Variants in DERA observed in about 807,000 individuals in gnomAD.
The protein encoded by DERA is 2-deoxy-D-ribose 5-phosphate aldolase.
A neutral mutation model predicts 41.1 loss-of-function variants in DERA; 15 were observed. That is an observed-to-expected ratio of 0.37 (90% confidence interval 0.24 to 0.56). DERA has a LOEUF of 0.56. DERA is among the 20% of genes least tolerant of loss of function. The pLI, the probability that DERA is intolerant of heterozygous loss-of-function variation, is 0.81. For missense variants in DERA, 396 were observed against 403.4 expected, an observed-to-expected ratio of 0.98 and a Z score of 0.16; for synonymous variants, 139 against 137.4, an observed-to-expected ratio of 1.01 and a Z score of -0.08.
At chr12:15,934,521 G>T (rs1337330602) in intron 1 of DERA, among the ~76,000 whole-genome samples, 1 of 152,006 alleles carries the variant, frequency 6.6e-6, no homozygotes, top group Non-Finnish European at 1.5e-5. Flanking sequence ...GGGAGGAGGA[G>T]GAGGTTGCAG....
Position 15,963,006 on chromosome 12 carries a change from T to C in DERA, c.508+59T>C, listed in dbSNP as rs1442956875. 5 of 1,556,388 alleles carry C rather than the reference T, an allele frequency of 3.2e-6. No homozygotes were observed. In the South Asian group the frequency reaches 3.6e-5, roughly 11 times the overall value. On this transcript the variant is annotated intron_variant, in intron 5 of 8. Coordinates refer to ENST00000428559, the MANE Select transcript of DERA (RefSeq NM_015954.4). Reference sequence around the variant, plus strand: ...CATTCTTCCCTGGTGAATCAGATGATGAGGTAAGATGTGGTATGTTTTAGA... The same window carrying C: ...CATTCTTCCCTGGTGAATCAGATGACGAGGTAAGATGTGGTATGTTTTAGA...
At position 16,009,991 on chromosome 12, in the gene DERA, A is replaced by T. The variant is rs966234082; in HGVS notation, c.638-22551A>T. ...CAGACCTATTAGTTTTGTAATAGGAAGTTCTGTGAGAGACAGATAAAACCT... is the reference window on the plus strand; with the variant it reads ...CAGACCTATTAGTTTTGTAATAGGATGTTCTGTGAGAGACAGATAAAACCT... On this transcript the variant is annotated intron_variant, in intron 6 of 8. Transcript: ENST00000428559. The surrounding 1 kb of genome is among the most constrained non-coding windows in gnomAD (Gnocchi z 5.3). 1.3e-5 allele frequency among the ~76,000 whole-genome samples: 2 copies of T among 152,258 alleles called. No individual in the cohort carries two copies. Among genetic ancestry groups the T allele is most frequent in the Non-Finnish European group, 2.9e-5 (2 of 68,054 alleles).
At chr12:15,923,003 GGTTTTT>G (rs1393413565) in intron 1 of DERA, among the ~76,000 whole-genome samples, 1 of 150,184 alleles carries the variant, frequency 6.7e-6, no homozygotes, top group Non-Finnish European at 1.5e-5. Flanking sequence ...AAAAAATAGT[GGTTTTT>G]GTTTTTGCTT....
At position 16,003,946 on chromosome 12, in the gene DERA, T is replaced by C. The variant is rs963227700; in HGVS notation, c.637+21510T>C. On this transcript the variant is annotated intron_variant, in intron 6 of 8. Coordinates refer to ENST00000428559, the MANE Select transcript of DERA (RefSeq NM_015954.4). The surrounding 1 kb of genome is among the most constrained non-coding windows in gnomAD (Gnocchi z 4.8). The stretch of plus-strand genomic sequence containing the variant: ...ACTCAGAGGCATCCGGGCCTTCCTC[T>C]GTTTCCTAAAACATCATTGTGCAGA... Among the ~76,000 whole-genome samples the C allele has an allele frequency of 9.9e-5, 15 of 152,204 alleles. No homozygotes were observed. The highest frequency in any genetic ancestry group is 9.2e-4 in the Admixed American group (14 of 15,280).
chr12:15,978,569 A>C (rs1198927876), intron 5 of DERA, among the ~76,000 whole-genome samples: 2 of 152,226 alleles, frequency 1.3e-5, no homozygotes, highest in African/African-American at 2.4e-5. Context: ...ATGTTTACAC[A>C]ACTAGCAAGT....
At chr12:15,929,218 A>T (rs1191310786) in intron 1 of DERA, among the ~76,000 whole-genome samples, 1 of 152,194 alleles carries the variant, frequency 6.6e-6, no homozygotes, top group Non-Finnish European at 1.5e-5. Context: ...TAAAGGTGGA[A>T]TGGGGTACTT....
At chr12:16,025,208 A>C (rs1949045392) in intron 6 of DERA, among the ~76,000 whole-genome samples, 1 of 152,170 alleles carries the variant, frequency 6.6e-6, no homozygotes, top group South Asian at 2.1e-4. Flanking sequence ...TATTAATTTG[A>C]CTACATCAGT....
At chr12:15,926,638 A>G (rs934049202) in intron 1 of DERA, among the ~76,000 whole-genome samples, 14 of 148,952 alleles carry the variant, frequency 9.4e-5, no homozygotes, top group Non-Finnish European at 1.8e-4. Context: ...CGGGAGGCTG[A>G]GGCAGGGGAA....
At chr12:15,917,619 T>C (rs1948210111) in intron 1 of DERA, among the ~76,000 whole-genome samples, 1 of 152,218 alleles carries the variant, frequency 6.6e-6, no homozygotes, top group Non-Finnish European at 1.5e-5. Context: ...TAGTAAGAGT[T>C]GAGGTCAAGA....
Position 16,001,824 on chromosome 12 carries a change from A to G in DERA, c.637+19388A>G, listed in dbSNP as rs1445566695. Among the ~76,000 whole-genome samples, 1 of 152,138 alleles carries G rather than the reference A, an allele frequency of 6.6e-6. No individual in the cohort carries two copies. Among genetic ancestry groups the G allele is most frequent in the Non-Finnish European group, 1.5e-5 (1 of 68,026 alleles). On this transcript the variant is annotated intron_variant, in intron 6 of 8. Transcript: ENST00000428559. The surrounding 1 kb of genome is among the most constrained non-coding windows in gnomAD (Gnocchi z 4.1). ...TGGCAGGCACACTAGACGAAGCAGC[A>G]TTTTGCTGGAGACTTTGTTGAGAAT... is the stretch of plus-strand genomic sequence containing the variant.
chr12:15,938,140 T>A lies in DERA; in HGVS notation c.32-18796T>A, dbSNP rs1229195666. On this transcript the variant is annotated intron_variant, in intron 1 of 8. Coordinates refer to ENST00000428559, the MANE Select transcript of DERA (RefSeq NM_015954.4). The surrounding 1 kb of genome is among the most constrained non-coding windows in gnomAD (Gnocchi z 4.1). Reference sequence around the variant, plus strand: ...GAGTTGTAATATTGATCTGTTAAGGTTCAGTGGAGCCCAGAGGAAGACTTA... The same window carrying A: ...GAGTTGTAATATTGATCTGTTAAGGATCAGTGGAGCCCAGAGGAAGACTTA... Among the ~76,000 whole-genome samples, 1 of 152,170 alleles carries A rather than the reference T, an allele frequency of 6.6e-6. No individual in the cohort carries two copies. The highest frequency in any genetic ancestry group is 6.6e-5 in the Admixed American group (1 of 15,260).
intron 1 of DERA, among the ~76,000 whole-genome samples, chr12:15,933,374 C>T (rs1427176824): frequency 6.6e-6 from 1 of 152,142 alleles, no homozygotes; most frequent in Non-Finnish European, 1.5e-5. Flanking sequence ...AGATATTGGA[C>T]TTTCCACACT....
At position 15,982,172 on chromosome 12, in the gene DERA, ATTGGGGTGATTT is replaced by A; in HGVS notation, c.509-133_509-122del. ...AACAGAATGCTCCAGGCAATGTTAA[ATTGGGGTGATTT>A]TTAGAAAGTGACAAATGTTTTATGT... is the stretch of plus-strand genomic sequence containing the variant. On this transcript the variant is annotated intron_variant, in intron 5 of 8. Coordinates refer to ENST00000428559, the MANE Select transcript of DERA (RefSeq NM_015954.4). This position sits in a 1 kb window ranked among gnomAD's most constrained non-coding sequence, Gnocchi z 4.0. 1.2e-6 allele frequency: 1 copy of A among 845,820 alleles called. No individual in the cohort carries two copies. Among genetic ancestry groups the A allele is most frequent in the South Asian group, 2.0e-5 (1 of 51,190 alleles). The allele number at this position is 845,820 out of a possible 1,614,324, so 52.4% of individuals were successfully genotyped here.
rs1185365962 is a variant in DERA, at chr12:15,957,940, G to A, written c.130-248G>A. Among the ~76,000 whole-genome samples, 1 of 152,068 alleles carries A rather than the reference G, an allele frequency of 6.6e-6. No homozygotes were observed. Among genetic ancestry groups the A allele is most frequent in the African/African-American group, 2.4e-5 (1 of 41,396 alleles). The stretch of plus-strand genomic sequence containing the variant: ...ATGGGCTAATAGGGGTTTCAATTTG[G>A]GATATCTGTGGGAGAAAAAAAATGT... On this transcript the variant is annotated intron_variant, in intron 2 of 8. Transcript: ENST00000428559. The surrounding 1 kb of genome is among the most constrained non-coding windows in gnomAD (Gnocchi z 4.8).
In DERA at chr12:15,921,114, A is replaced by G. The variant is rs1473497407; in HGVS notation, c.31+9700A>G. 6.6e-6 allele frequency among the ~76,000 whole-genome samples: 1 copy of G among 152,240 alleles called. No homozygotes were observed. Among genetic ancestry groups the G allele is most frequent in the Non-Finnish European group, 1.5e-5 (1 of 68,050 alleles). On this transcript the variant is annotated intron_variant, in intron 1 of 8. Coordinates refer to ENST00000428559, the MANE Select transcript of DERA (RefSeq NM_015954.4). The surrounding 1 kb of genome is among the most constrained non-coding windows in gnomAD (Gnocchi z 5.3). Reference sequence around the variant, plus strand: ...TGATAAGCAAAGTTTCTCTAAGCAAATATGGAAAGAAATAAGCCTTTTTAT... The same window carrying G: ...TGATAAGCAAAGTTTCTCTAAGCAAGTATGGAAAGAAATAAGCCTTTTTAT...
chr12:16,027,518 T>C (rs1949061203), intron 6 of DERA, among the ~76,000 whole-genome samples: 1 of 152,154 alleles, frequency 6.6e-6, no homozygotes, highest in Admixed American at 6.5e-5. Flanking sequence ...TAAGAAAGAC[T>C]CAGAGGGAGA....
rs544331380 is a variant in DERA at position 15,983,767 on chromosome 12, A to C, written c.637+1331A>C. 4.7e-4 allele frequency among the ~76,000 whole-genome samples: 72 copies of C among 151,924 alleles called. No individual in the cohort carries two copies. The highest frequency in any genetic ancestry group is 1.6e-3 in the African/African-American group (68 of 41,396). ...CAGGCCTAGTAGATCATTCCTTGGA[A>C]CTCTACTGAAAATCAGCCTACTAGT... On this transcript the variant is annotated intron_variant, in intron 6 of 8. Transcript: ENST00000428559. The surrounding 1 kb of genome is among the most constrained non-coding windows in gnomAD (Gnocchi z 6.2).
chr12:16,034,964 C>CCAT (rs1949117528), intron 7 of DERA, among the ~76,000 whole-genome samples: 1 of 152,172 alleles, frequency 6.6e-6, no homozygotes, highest in Admixed American at 6.5e-5. Flanking sequence ...TACTACCTTA[C>CCAT]AGCTTGGGCT....
chr12:15,953,990 G>A (rs1256404443), intron 1 of DERA, among the ~76,000 whole-genome samples: 1 of 152,192 alleles, frequency 6.6e-6, no homozygotes, highest in Non-Finnish European at 1.5e-5. Flanking sequence ...AGCAGTCAAG[G>A]CTGATACTGT....
Sources: allele counts gnomAD v4.1 joint callset (sites outside exome capture counted in the v4.1 genomes callset), GRCh38; gene constraint gnomAD v4.1.1; non-coding constraint Gnocchi (gnomAD v3.1); transcripts MANE v1.5; gene names NCBI Gene and HGNC (gene_info 2026-07-23, HGNC 2026-07-21).